CDH13: variants seen among roughly 807,000 people sequenced by gnomAD.
CDH13 encodes cadherin 13.
A neutral mutation model predicts 63.8 loss-of-function variants in CDH13; 24 were observed. The observed-to-expected ratio is 0.38, with a 90% CI of 0.27 to 0.53. CDH13 has a LOEUF of 0.53. CDH13 is among the 20% of genes least tolerant of loss of function. The pLI, the probability that CDH13 is intolerant of heterozygous loss-of-function variation, is 0.85. For synonymous variants in CDH13, 503 were observed against 355.3 expected (o/e 1.42, Z -4.67); for missense variants, 1,049 against 903.1 (o/e 1.16, Z -2.07).
At chr16:82,670,941 C>G (rs1041138358) in intron 1 of CDH13, among the ~76,000 whole-genome samples, 23 of 152,186 alleles carry the variant, frequency 1.5e-4, no homozygotes, top group Admixed American at 5.2e-4. Context: ...TCTGTATTTC[C>G]TATCATGGGT....
intron 8 of CDH13, among the ~76,000 whole-genome samples, chr16:83,607,155 C>T (rs180979003): frequency 3.3e-5 from 5 of 152,272 alleles, no homozygotes; most frequent in South Asian, 2.1e-4. Flanking sequence ...CGGTGGCTCA[C>T]ACCTGTAATC....
chr16:82,963,711 G>T (rs1443640780), intron 2 of CDH13, among the ~76,000 whole-genome samples: 8 of 152,124 alleles, frequency 5.3e-5, no homozygotes, highest in Admixed American at 2.6e-4. Context: ...ACAATTCCCA[G>T]TGTACAGTAA....
intron 6 of CDH13, among the ~76,000 whole-genome samples, chr16:83,406,220 G>T (rs369305810): frequency 1.3e-5 from 2 of 152,138 alleles, no homozygotes; most frequent in Non-Finnish European, 2.9e-5. Flanking sequence ...ACTGAGCTGC[G>T]GTAGCGCCCG....
At chr16:82,895,343 T>C (rs7200308) in intron 2 of CDH13, among the ~76,000 whole-genome samples, 5,817 of 152,272 alleles carry the variant, frequency 0.038, 381 homozygotes, top group African/African-American at 0.13. Flanking sequence ...CCTCCCTCCT[T>C]CATCACACTT....
intron 5 of CDH13, among the ~76,000 whole-genome samples, chr16:83,253,269 T>A (rs1905806481): frequency 6.6e-6 from 1 of 152,226 alleles, no homozygotes; most frequent in Non-Finnish European, 1.5e-5. Flanking sequence ...GGGGTGGGAC[T>A]CCCTCTCTGG....
intron 3 of CDH13, among the ~76,000 whole-genome samples, chr16:83,034,937 T>G (rs1469860746): frequency 6.6e-6 from 1 of 152,140 alleles, no homozygotes; most frequent in African/African-American, 2.4e-5. Context: ...TTGTTTTTGC[T>G]TCTTATAAAG....
rs372710115 is a variant in CDH13 at position 83,170,901 on chromosome 16, C to A, written c.483+45400C>A. Among the ~76,000 whole-genome samples, 4 of 147,698 alleles carry A rather than the reference C, an allele frequency of 2.7e-5. No homozygotes were observed. In the South Asian group the frequency reaches 8.8e-4, roughly 33 times the overall value. On this transcript the variant is annotated intron_variant, in intron 4 of 13. Coordinates refer to ENST00000567109, the MANE Select transcript of CDH13 (RefSeq NM_001257.5). ...AGAGATCCAGCATCAATGAAAATGACAAAATTGACAAAGTTTTGCCTTGGC... is the reference window on the plus strand; with the variant it reads ...AGAGATCCAGCATCAATGAAAATGAAAAAATTGACAAAGTTTTGCCTTGGC...
chr16:83,173,431 C>T (rs1304618239), intron 4 of CDH13, among the ~76,000 whole-genome samples: 2 of 152,072 alleles, frequency 1.3e-5, no homozygotes, highest in African/African-American at 4.8e-5. Context: ...GCATTTCTAG[C>T]ACATAGTTAA....
chr16:82,842,147 T>TATATACATACATAC (rs2039057350), intron 1 of CDH13, among the ~76,000 whole-genome samples: 2 of 21,424 alleles, frequency 9.3e-5, no homozygotes, highest in African/African-American at 2.4e-4. Flanking sequence ...TACACATATA[T>TATATACATACATAC]ATATATATAT....
intron 3 of CDH13, among the ~76,000 whole-genome samples, chr16:83,078,093 TAG>T (rs1163734835): frequency 2.0e-5 from 3 of 152,222 alleles, no homozygotes; most frequent in African/African-American, 7.2e-5. Flanking sequence ...TCAGCTCAAA[TAG>T]GGATACCTGG....
chr16:83,386,014 G>A (rs954511182), intron 6 of CDH13, among the ~76,000 whole-genome samples: 1 of 152,100 alleles, frequency 6.6e-6, no homozygotes, highest in African/African-American at 2.4e-5. Flanking sequence ...TGTAGCTATG[G>A]GTGCTTGGAC....
intron 10 of CDH13, among the ~76,000 whole-genome samples, chr16:83,680,697 G>C (rs1158373852): frequency 6.6e-6 from 1 of 152,106 alleles, no homozygotes; most frequent in East Asian, 1.9e-4. Context: ...AGAAAGTTCT[G>C]AGGATCTTCC....
At chr16:83,068,806 G>C (rs921869646) in intron 3 of CDH13, among the ~76,000 whole-genome samples, 1 of 152,160 alleles carries the variant, frequency 6.6e-6, no homozygotes, top group African/African-American at 2.4e-5. Context: ...TGGACACCCT[G>C]CTTGCCAATT....
chr16:83,241,607 C>T (rs888883252), intron 5 of CDH13, among the ~76,000 whole-genome samples: 2 of 152,114 alleles, frequency 1.3e-5, no homozygotes, highest in Non-Finnish European at 2.9e-5. Flanking sequence ...TTTTCATATG[C>T]TCATTAGCCA....
chr16:82,861,304 G>C (rs2039935979), intron 2 of CDH13, among the ~76,000 whole-genome samples: 1 of 152,144 alleles, frequency 6.6e-6, no homozygotes, highest in East Asian at 1.9e-4. Context: ...TAAGAGCTTT[G>C]GTTACCAATC....
At chr16:83,146,862 C>T (rs1479435714) in intron 4 of CDH13, among the ~76,000 whole-genome samples, 2 of 152,170 alleles carry the variant, frequency 1.3e-5, no homozygotes, top group Non-Finnish European at 2.9e-5. Flanking sequence ...CCAAGGCAGA[C>T]AGATTCCTTG....
At chr16:83,284,542 A>G (rs933856625) in intron 5 of CDH13, among the ~76,000 whole-genome samples, 4 of 152,176 alleles carry the variant, frequency 2.6e-5, no homozygotes, top group Non-Finnish European at 5.9e-5. Context: ...AGAATTGAGC[A>G]TTTTTTAGTG....
rs564899114 is a variant in CDH13 at position 82,849,928 on chromosome 16, C to G, written c.46-8434C>G. On this transcript the variant is annotated intron_variant, in intron 1 of 13. Coordinates refer to ENST00000567109, the MANE Select transcript of CDH13 (RefSeq NM_001257.5). ...CTATTGAGAACTGCTGCTCAGAAAA[C>G]TATATTCCCTTCAAATCTTACTGTT... is the stretch of plus-strand genomic sequence containing the variant. 4.5e-4 allele frequency among the ~76,000 whole-genome samples: 68 copies of G among 152,340 alleles called. 1 individual carries two copies. Among genetic ancestry groups the G allele is most frequent in the African/African-American group, 1.5e-3 (64 of 41,576 alleles).
At chr16:82,927,821 T>C (rs977887811) in intron 2 of CDH13, among the ~76,000 whole-genome samples, 2 of 152,182 alleles carry the variant, frequency 1.3e-5, no homozygotes, top group Admixed American at 6.5e-5. Context: ...AATGTACTTA[T>C]TGAGTGAATG....
Sources: gnomAD v4.1 joint callset for allele counts (sites outside exome capture counted in the v4.1 genomes callset) on GRCh38, gnomAD v4.1.1 for gene constraint, MANE v1.5 for transcripts, NCBI Gene and HGNC (gene_info 2026-07-23, HGNC 2026-07-21) for gene names.